The following KAZN variants were observed in gnomAD, a reference collection of about 807,000 sequenced individuals.
KAZN encodes the protein kazrin, periplakin interacting protein, also known as kazrin.
Under a neutral mutation model 87.4 loss-of-function variants are expected in KAZN, and 40 were observed. The observed-to-expected ratio is 0.46, with a 90% CI of 0.36 to 0.60. KAZN has a LOEUF of 0.60. Ranked by LOEUF, KAZN falls within the 20% of genes least tolerant of loss-of-function variation. The pLI is 0.00. For missense variants in KAZN, 898 were observed against 1,073.9 expected, an observed-to-expected ratio of 0.84 and a Z score of 2.29; for synonymous variants, 466 against 458.3, an observed-to-expected ratio of 1.02 and a Z score of -0.22.
At chr1:14,282,845 A>G (rs1652949773) in intron 2 of KAZN, among the ~76,000 whole-genome samples, 1 of 152,214 alleles carries the variant, frequency 6.6e-6, no homozygotes, top group African/African-American at 2.4e-5. Context: ...GGAAGAATTC[A>G]GCCAGGAAGA....
In KAZN at chr1:14,735,120, C is replaced by T. The variant is rs148491674; in HGVS notation, c.226+135897C>T. 2.0e-3 allele frequency among the ~76,000 whole-genome samples: 303 copies of T among 152,248 alleles called. No individual in the cohort carries two copies. Among genetic ancestry groups the T allele is most frequent in the African/African-American group, 7.0e-3 (291 of 41,548 alleles). On this transcript the variant is annotated intron_variant, in intron 1 of 14. Coordinates refer to ENST00000376030, the MANE Select transcript of KAZN (RefSeq NM_201628.3). The surrounding 1 kb of genome is among the most constrained non-coding windows in gnomAD (Gnocchi z 4.3). Reference sequence around the variant, plus strand: ...TTTCGCCCAGGCCGGACTGTAGTGGCGCTATCTCGGCTCACTGCGAGCTCC... The same window carrying T: ...TTTCGCCCAGGCCGGACTGTAGTGGTGCTATCTCGGCTCACTGCGAGCTCC...
At chr1:15,049,725 A>G (rs1427993431) in intron 4 of KAZN, among the ~76,000 whole-genome samples, 3 of 152,118 alleles carry the variant, frequency 2.0e-5, no homozygotes, top group Non-Finnish European at 4.4e-5. Flanking sequence ...TTCCTCCTGT[A>G]TAAAATCAGA....
chr1:14,926,066 A>C (rs1572846301), intron 1 of KAZN, among the ~76,000 whole-genome samples: 1 of 152,226 alleles, frequency 6.6e-6, no homozygotes, highest in African/African-American at 2.4e-5. Flanking sequence ...TAAATGCTTA[A>C]TGCATGTTAG....
At chr1:14,954,096 G>T (rs570336352) in intron 1 of KAZN, among the ~76,000 whole-genome samples, 8 of 152,314 alleles carry the variant, frequency 5.3e-5, no homozygotes, top group African/African-American at 1.9e-4. Context: ...TTGGGGAGGA[G>T]GCCCCTGGGG....
At chr1:14,673,207 A>G (rs532203050) in intron 1 of KAZN, among the ~76,000 whole-genome samples, 8 of 152,312 alleles carry the variant, frequency 5.3e-5, no homozygotes, top group African/African-American at 1.9e-4. Flanking sequence ...GTGTCCCATC[A>G]CAGGCTCAAC....
intron 1 of KAZN, among the ~76,000 whole-genome samples, chr1:14,806,399 G>T (rs1313882936): frequency 1.3e-5 from 2 of 152,214 alleles, no homozygotes; most frequent in East Asian, 3.9e-4. Flanking sequence ...TTTATCATTT[G>T]GCAGACCAGC....
intron 1 of KAZN, among the ~76,000 whole-genome samples, chr1:14,169,935 C>G (rs1480184168): frequency 1.3e-5 from 2 of 152,130 alleles, no homozygotes; most frequent in African/African-American, 4.8e-5. Context: ...AAATCTGACC[C>G]CAAAAGCTCA....
intron 1 of KAZN, among the ~76,000 whole-genome samples, chr1:14,084,569 C>G (rs1643793364): frequency 6.6e-6 from 1 of 152,020 alleles, no homozygotes; most frequent in Non-Finnish European, 1.5e-5. Context: ...GATTGGCTAT[C>G]ATTAAGCAAG....
At chr1:14,451,488 T>C (rs1282509400) in intron 2 of KAZN, among the ~76,000 whole-genome samples, 1 of 151,820 alleles carries the variant, frequency 6.6e-6, no homozygotes, top group Non-Finnish European at 1.5e-5. Context: ...CCCACAGAAT[T>C]GATGGGAGGC....
chr1:14,677,665 G>A (rs1301655886), intron 1 of KAZN, among the ~76,000 whole-genome samples: 2 of 152,196 alleles, frequency 1.3e-5, no homozygotes, highest in African/African-American at 4.8e-5. Context: ...ATCATGTGGA[G>A]AGGAGGACAC....
chr1:14,092,220 A>G (rs976173368), intron 1 of KAZN, among the ~76,000 whole-genome samples: 9 of 148,868 alleles, frequency 6.0e-5, no homozygotes, highest in Non-Finnish European at 8.9e-5. Flanking sequence ...CCTCCCCAGC[A>G]GCTGGGACTA....
chr1:14,701,900 A>G (rs1192779448), intron 1 of KAZN, among the ~76,000 whole-genome samples: 1 of 152,150 alleles, frequency 6.6e-6, no homozygotes, highest in Non-Finnish European at 1.5e-5. Context: ...CCTCACCTAC[A>G]TGTATCTGTG....
intron 2 of KAZN, among the ~76,000 whole-genome samples, chr1:14,501,816 A>T (rs1049143579): frequency 2.0e-5 from 3 of 152,236 alleles, no homozygotes; most frequent in Non-Finnish European, 4.4e-5. Flanking sequence ...CGAAGGACTG[A>T]TCTGTGCTAC....
chr1:15,003,962 G>A (rs1427547174), intron 2 of KAZN, among the ~76,000 whole-genome samples: 1 of 152,160 alleles, frequency 6.6e-6, no homozygotes, highest in Non-Finnish European at 1.5e-5. Context: ...GCTGGGGGAA[G>A]CATAAAACCG....
At chr1:14,231,688 A>G (rs1040274088) in intron 2 of KAZN, among the ~76,000 whole-genome samples, 7 of 152,234 alleles carry the variant, frequency 4.6e-5, no homozygotes, top group Non-Finnish European at 4.4e-5. Flanking sequence ...TATCCAGTGT[A>G]CCAATTAGGA....
chr1:14,233,478 G>A (rs576576605), intron 2 of KAZN, among the ~76,000 whole-genome samples: 2 of 152,228 alleles, frequency 1.3e-5, no homozygotes, highest in South Asian at 4.1e-4. Context: ...ATTGAATAAG[G>A]TAAATTATAA....
intron 2 of KAZN, among the ~76,000 whole-genome samples, chr1:14,336,871 T>C (rs1179464923): frequency 2.6e-5 from 4 of 152,226 alleles, no homozygotes; most frequent in African/African-American, 9.7e-5. Context: ...GATTTGCAAA[T>C]ATTTTCTCTC....
chr1:15,034,749 C>T lies in KAZN; in HGVS notation c.419C>T (p.Ala140Val). The change falls in exon 3 of 15, where the codon GCC becomes GTC. Residue 140 changes from alanine (A) to valine (V), a missense_variant and splice_region_variant. Physicochemically the swap from Ala to Val is moderately conservative, Grantham distance 64. Coordinates refer to ENST00000376030, the MANE Select transcript of KAZN (RefSeq NM_201628.3). ...AACTAACTCTCTCCTTTATCCCCAG[C>T]CATGAAAGCTGATCGGAAGCGCTTA... ...ELARAKEALQ[A>V]MKADRKRLKG... 6.2e-7 allele frequency: 1 copy of T among 1,614,102 alleles called. No homozygotes were observed. Among genetic ancestry groups the T allele is most frequent in the Non-Finnish European group, 8.5e-7 (1 of 1,179,976 alleles).
chr1:14,090,006 A>G (rs961963945), intron 1 of KAZN, among the ~76,000 whole-genome samples: 16 of 151,370 alleles, frequency 1.1e-4, no homozygotes, highest in African/African-American at 3.6e-4. Flanking sequence ...TCTGTAAATA[A>G]TGCATCTTTT....
Sources: allele counts gnomAD v4.1 joint callset (sites outside exome capture counted in the v4.1 genomes callset), GRCh38; gene constraint gnomAD v4.1.1; non-coding constraint Gnocchi (gnomAD v3.1); transcripts MANE v1.5; gene names NCBI Gene and HGNC (gene_info 2026-07-23, HGNC 2026-07-21).